PSMF1: variants seen among roughly 807,000 people sequenced by gnomAD.
The protein encoded by PSMF1 is proteasome inhibitor PI31 subunit.
In PSMF1, 30 loss-of-function variants were observed where a neutral mutation model predicts 29.3. The ratio of observed to expected loss-of-function variants is 1.02; its 90% CI spans 0.77 to 1.39. PSMF1 has a LOEUF of 1.39. Ranked by LOEUF, PSMF1 falls within the 40% of genes most tolerant of loss-of-function variation. PSMF1 has a pLI of 0.00. For synonymous variants in PSMF1, 134 were observed against 139.7 expected, an observed-to-expected ratio of 0.96 and a Z score of 0.29; for missense variants, 344 against 357.5, an observed-to-expected ratio of 0.96 and a Z score of 0.31.
At chr20:1,114,047 G>A (rs527542764), upstream of PSMF1, among the ~76,000 whole-genome samples, 2 of 152,192 alleles carry the variant, frequency 1.3e-5, no homozygotes, top group Admixed American at 1.3e-4. Context: ...TGGGAGGACA[G>A]AGCAGATCGC....
chr20:1,142,846 A>G (rs1425462009), intron 4 of PSMF1, among the ~76,000 whole-genome samples: 1 of 152,240 alleles, frequency 6.6e-6, no homozygotes, highest in Non-Finnish European at 1.5e-5. Context: ...GAATCGCCAC[A>G]CTGACTTCCA....
chr20:1,135,399 C>A, intron 4 of PSMF1, 93 bp downstream of exon 4: 3 of 1,311,890 alleles, frequency 2.3e-6, no homozygotes, highest in East Asian at 2.5e-5. Context: ...ATCCCTGGCC[C>A]GTATGTGTTT....
intron 4 of PSMF1, among the ~76,000 whole-genome samples, chr20:1,137,008 T>A (rs999562548): frequency 6.6e-6 from 1 of 152,192 alleles, no homozygotes; most frequent in Non-Finnish European, 1.5e-5. Flanking sequence ...TAACAAGACA[T>A]TTGAAAATTG....
At position 1,133,555 on chromosome 20, in the gene PSMF1, G is replaced by A. The variant is rs6077851; in HGVS notation, c.366-1566G>A. 7.4e-5 allele frequency among the ~76,000 whole-genome samples: 4 copies of A among 53,976 alleles called. 1 individual carries two copies. Among genetic ancestry groups the A allele is most frequent in the South Asian group, 5.9e-4 (1 of 1,704 alleles). 35.4% of individuals were successfully genotyped at this position (53,976 alleles called of 152,430 possible). A position where few individuals can be genotyped will look rare whatever the true frequency, so the allele number is the denominator to read the frequency against. ...ATAGGATATACTAGTCTATATATGTGTATATATATATATATTTTTTTTTTT... is the reference window on the plus strand; with the variant it reads ...ATAGGATATACTAGTCTATATATGTATATATATATATATATTTTTTTTTTT... On this transcript the variant is annotated intron_variant, in intron 3 of 6. Coordinates refer to ENST00000335877, the MANE Select transcript of PSMF1 (RefSeq NM_006814.5).
chr20:1,127,226 C>T, intron 2 of PSMF1, 200 bp from the exon 3 acceptor site: 1 of 743,360 alleles, frequency 1.3e-6, no homozygotes, highest in Non-Finnish European at 2.4e-6. Flanking sequence ...GTTTTAGTCT[C>T]TGCCTTGGAA....
intron 4 of PSMF1, among the ~76,000 whole-genome samples, chr20:1,152,565 A>G (rs139303945): frequency 5.1e-4 from 78 of 152,372 alleles, no homozygotes; most frequent in African/African-American, 1.9e-3. Context: ...GCCACTGGAC[A>G]GGTTTTACAA....
intron 1 of PSMF1, 104 bp downstream of exon 1, chr20:1,119,006 G>A (rs1450977044): frequency 1.3e-5 from 19 of 1,470,972 alleles, no homozygotes; most frequent in Non-Finnish European, 1.8e-5. Flanking sequence ...GCTTCTCCCA[G>A]TGCAGGGTCT....
chr20:1,158,162 G>C (rs2086618497), intron 4 of PSMF1, among the ~76,000 whole-genome samples: 1 of 152,080 alleles, frequency 6.6e-6, no homozygotes, highest in Non-Finnish European at 1.5e-5. Context: ...GCAATGTCAT[G>C]GGAATAGGAA....
intron 4 of PSMF1, among the ~76,000 whole-genome samples, chr20:1,150,625 G>A (rs1600165200): frequency 6.6e-6 from 1 of 151,762 alleles, no homozygotes; most frequent in Admixed American, 6.6e-5. Context: ...TTTATGACTT[G>A]TTGGCATTGT....
At chr20:1,138,834 CAA>C (rs71191994) in intron 4 of PSMF1, among the ~76,000 whole-genome samples, 2 of 148,862 alleles carry the variant, frequency 1.3e-5, no homozygotes, top group African/African-American at 5.0e-5. Flanking sequence ...CAAAAACAAA[CAA>C]AAAAAAACAA....
intron 3 of PSMF1, among the ~76,000 whole-genome samples, chr20:1,129,180 A>T (rs1293098912): frequency 6.6e-6 from 1 of 151,846 alleles, no homozygotes; most frequent in Non-Finnish European, 1.5e-5. Flanking sequence ...CACCCAGCCA[A>T]TTTTTGCGTT....
At chr20:1,150,510 G>A (rs1600165054) in intron 4 of PSMF1, among the ~76,000 whole-genome samples, 2 of 152,154 alleles carry the variant, frequency 1.3e-5, no homozygotes, top group Non-Finnish European at 1.5e-5. Flanking sequence ...GAGTCCATGA[G>A]CCACATTAAA....
At chr20:1,142,491 A>G (rs530580769) in intron 4 of PSMF1, among the ~76,000 whole-genome samples, 10 of 151,940 alleles carry the variant, frequency 6.6e-5, no homozygotes, top group African/African-American at 2.2e-4. Context: ...TCATTGTTCA[A>G]TTCCCACCTA....
chr20:1,113,368 C>T (rs2085983822), exon 1 of PSMF1: 1 of 151,764 alleles, frequency 6.6e-6, no homozygotes, highest in Non-Finnish European at 1.5e-5. Context: ...TCTCAGCCAC[C>T]CACAGCCCTC....
chr20:1,161,446 A>T (rs963668095), intron 4 of PSMF1: 5 of 462,134 alleles, frequency 1.1e-5, no homozygotes, highest in Non-Finnish European at 1.6e-5. Context: ...ATCCACAAGG[A>T]CCTGTATGCC....
intron 4 of PSMF1, among the ~76,000 whole-genome samples, chr20:1,143,052 G>A (rs573730618): frequency 7.9e-5 from 12 of 152,254 alleles, no homozygotes; most frequent in African/African-American, 2.9e-4. Context: ...TAAAAAATCA[G>A]CATAGTAAAA....
intron 4 of PSMF1, among the ~76,000 whole-genome samples, chr20:1,139,414 C>G (rs976256113): frequency 6.6e-6 from 1 of 152,054 alleles, no homozygotes. Context: ...TAAGGGGTAT[C>G]CAGATTAGAA....
chr20:1,116,811 GAGA>G (rs1409657373), upstream of PSMF1, among the ~76,000 whole-genome samples: 2 of 152,116 alleles, frequency 1.3e-5, no homozygotes, highest in Non-Finnish European at 2.9e-5. Context: ...TTAAAGACGG[GAGA>G]AGGTTATTTT....
chr20:1,140,702 A>T (rs1457511848), intron 4 of PSMF1, among the ~76,000 whole-genome samples: 2 of 152,244 alleles, frequency 1.3e-5, no homozygotes, highest in African/African-American at 4.8e-5. Flanking sequence ...TGCAAATCAG[A>T]TATCTGACAA....
Sources: gnomAD v4.1 joint callset for allele counts (sites outside exome capture counted in the v4.1 genomes callset) on GRCh38, gnomAD v4.1.1 for gene constraint, MANE v1.5 for transcripts, NCBI Gene and HGNC (gene_info 2026-07-23, HGNC 2026-07-21) for gene names.